Variants in MTHFD2L observed in about 807,000 individuals in gnomAD.
MTHFD2L encodes the protein bifunctional methylenetetrahydrofolate dehydrogenase/cyclohydrolase 2, mitochondrial.
MTHFD2L carries 29 observed loss-of-function variants against 34.9 expected under a neutral mutation model. The ratio of observed to expected loss-of-function variants is 0.83; its 90% CI spans 0.62 to 1.13. The LOEUF is 1.13. Among genes scored for constraint, MTHFD2L ranks in the 50% most tolerant of loss-of-function variants. The probability of loss-of-function intolerance (pLI) is 0.00; values close to 1 mark genes in which losing one functional copy is unlikely to be tolerated. For synonymous variants in MTHFD2L, 167 were observed against 155.7 expected (o/e 1.07, Z -0.54); for missense variants, 481 against 446.5 (o/e 1.08, Z -0.70).
At position 74,136,996 on chromosome 4, in the gene MTHFD2L, G is replaced by T. The variant is rs559509117; in HGVS notation, c.-297+11479G>T. ...AAATGAATTAAAGACTTGAATCTAA[G>T]ACCTAAAACCATGAACTACTAGAAT... is the stretch of plus-strand genomic sequence containing the variant. On this transcript the variant is annotated intron_variant, in intron 1 of 7. Transcript: ENST00000433372. Among the ~76,000 whole-genome samples the T allele has an allele frequency of 5.3e-5, 8 of 152,180 alleles. No individual in the cohort carries two copies. In the East Asian group the frequency reaches 1.5e-3, roughly 29 times the overall value.
intron 5 of MTHFD2L, among the ~76,000 whole-genome samples, chr4:74,224,498 T>A (rs946237085): frequency 5.9e-5 from 9 of 152,144 alleles, no homozygotes; most frequent in Admixed American, 1.3e-4. Context: ...CATTTGCACA[T>A]CTTCCAGGAG....
intron 5 of MTHFD2L, among the ~76,000 whole-genome samples, chr4:74,219,250 A>G (rs1477653739): frequency 6.6e-5 from 10 of 152,060 alleles, no homozygotes; most frequent in Non-Finnish European, 1.2e-4. Context: ...TATTCTTCCT[A>G]TGTCTTAGAA....
intron 5 of MTHFD2L, among the ~76,000 whole-genome samples, chr4:74,221,200 C>T (rs905229618): frequency 5.3e-5 from 8 of 150,322 alleles, no homozygotes; most frequent in Non-Finnish European, 1.5e-5. Flanking sequence ...TAATTATTTA[C>T]TTTTTGGTAT....
chr4:74,150,911 G>A (rs79598310), intron 1 of MTHFD2L, among the ~76,000 whole-genome samples: 403 of 151,836 alleles, frequency 2.7e-3, no homozygotes, highest in African/African-American at 9.3e-3. Flanking sequence ...ATTATATAAT[G>A]ATAATAGATA....
chr4:74,159,311 T>TGTA (rs1724898143), intron 1 of MTHFD2L, among the ~76,000 whole-genome samples: 1 of 152,184 alleles, frequency 6.6e-6, no homozygotes, highest in Non-Finnish European at 1.5e-5. Context: ...TTGTGTAAGC[T>TGTA]GTAGTAGGTT....
At chr4:74,202,457 C>T (rs1236860199) in intron 5 of MTHFD2L, among the ~76,000 whole-genome samples, 1 of 152,080 alleles carries the variant, frequency 6.6e-6, no homozygotes, top group Admixed American at 6.6e-5. Context: ...AAAATTTTTC[C>T]CACCAGCCTG....
intron 7 of MTHFD2L, among the ~76,000 whole-genome samples, chr4:74,299,201 AAATC>A (rs1373711921): frequency 6.6e-6 from 1 of 151,828 alleles, no homozygotes; most frequent in Non-Finnish European, 1.5e-5. Context: ...ATTTTGAAAT[AAATC>A]ATTTTGTTTT....
intron 6 of MTHFD2L, among the ~76,000 whole-genome samples, chr4:74,277,076 A>C (rs1022989311): frequency 2.6e-5 from 4 of 152,064 alleles, no homozygotes; most frequent in Non-Finnish European, 4.4e-5. Flanking sequence ...AGCATGGAGG[A>C]GCAAAATGGG....
intron 6 of MTHFD2L, among the ~76,000 whole-genome samples, chr4:74,232,399 T>C (rs1255404646): frequency 6.6e-6 from 1 of 152,110 alleles, no homozygotes; most frequent in Admixed American, 6.6e-5. Context: ...AAGGGATTTT[T>C]TTCTCTCAGG....
chr4:74,246,252 G>A (rs959040482), intron 6 of MTHFD2L, among the ~76,000 whole-genome samples: 1 of 151,896 alleles, frequency 6.6e-6, no homozygotes, highest in Non-Finnish European at 1.5e-5. Context: ...TTTTTCGTGT[G>A]TCTTTTGGCT....
intron 6 of MTHFD2L, among the ~76,000 whole-genome samples, chr4:74,278,858 C>G (rs1015203568): frequency 4.6e-5 from 7 of 152,056 alleles, no homozygotes; most frequent in Non-Finnish European, 7.4e-5. Flanking sequence ...ATGTGTCCTT[C>G]CAAATTATTC....
Position 74,294,859 on chromosome 4 carries a change from A to G in MTHFD2L, c.932-6838A>G, listed in dbSNP as rs75768905. Among the ~76,000 whole-genome samples, 1,150 of 152,224 alleles carry G rather than the reference A, an allele frequency of 7.6e-3. 16 individuals are homozygous for G. The highest frequency in any genetic ancestry group is 0.025 in the African/African-American group (1,057 of 41,558). On this transcript the variant is annotated intron_variant, in intron 7 of 7. Transcript: ENST00000325278. The stretch of plus-strand genomic sequence containing the variant: ...TAGGGGGGAAAGTCATCAGCCACAT[A>G]GGGGAGAAGAGAGAACACGGAAGAT...
chr4:74,267,763 C>T (rs1278348699), intron 6 of MTHFD2L: 1 of 985,350 alleles, frequency 1.0e-6, no homozygotes, highest in Non-Finnish European at 1.2e-6. Context: ...AAGAGAAGCA[C>T]ACATTTGGAC....
At chr4:74,231,415 G>A (rs1038180430) in intron 6 of MTHFD2L, among the ~76,000 whole-genome samples, 3 of 152,108 alleles carry the variant, frequency 2.0e-5, no homozygotes, top group Non-Finnish European at 4.4e-5. Flanking sequence ...CATGCAACCC[G>A]GGAGTACAAC....
upstream of MTHFD2L, among the ~76,000 whole-genome samples, chr4:74,154,932 C>A (rs184859834): frequency 6.6e-6 from 1 of 152,096 alleles, no homozygotes. Flanking sequence ...ACTGATGTTC[C>A]CAACTCTAAT....
At chr4:74,301,385 G>C (rs1043144192) in intron 7 of MTHFD2L, among the ~76,000 whole-genome samples, 5 of 151,932 alleles carry the variant, frequency 3.3e-5, no homozygotes, top group African/African-American at 1.2e-4. Flanking sequence ...TAGTTAACTA[G>C]AATTACAGGT....
chr4:74,284,395 C>A (rs1459484516), intron 7 of MTHFD2L, among the ~76,000 whole-genome samples: 1 of 152,096 alleles, frequency 6.6e-6, no homozygotes, highest in African/African-American at 2.4e-5. Context: ...GATGGTATCT[C>A]ATTGTGGTTT....
chr4:74,221,033 G>T (rs542929631), intron 5 of MTHFD2L, among the ~76,000 whole-genome samples: 71 of 150,434 alleles, frequency 4.7e-4, no homozygotes, highest in Admixed American at 9.9e-4. Flanking sequence ...TAAAAATTTT[G>T]CAATGTTGTT....
chr4:74,282,391 G>C (rs1747618573), intron 7 of MTHFD2L, among the ~76,000 whole-genome samples: 1 of 145,552 alleles, frequency 6.9e-6, no homozygotes, highest in Non-Finnish European at 1.5e-5. Flanking sequence ...CAAGAACTTT[G>C]TTAGTTATAG....
Sources: allele counts gnomAD v4.1 joint callset (sites outside exome capture counted in the v4.1 genomes callset), GRCh38; gene constraint gnomAD v4.1.1; transcripts MANE v1.5; gene names NCBI Gene and HGNC (gene_info 2026-07-23, HGNC 2026-07-21).